TMEM71: variants seen among roughly 807,000 people sequenced by gnomAD.
TMEM71 encodes the protein transmembrane protein 71.
In TMEM71, 44 loss-of-function variants were observed where a neutral mutation model predicts 38.0. The ratio of observed to expected loss-of-function variants is 1.16; its 90% CI spans 0.91 to 1.49. The LOEUF is 1.49. Ranked by LOEUF, TMEM71 falls within the 40% of genes most tolerant of loss-of-function variation. TMEM71 has a pLI of 0.00. For synonymous variants in TMEM71, 133 were observed against 122.5 expected (o/e 1.09, Z -0.56); for missense variants, 367 against 348.6 (o/e 1.05, Z -0.42).
intron 7 of TMEM71, among the ~76,000 whole-genome samples, chr8:132,721,162 G>A (rs1826820509): frequency 6.6e-6 from 1 of 152,220 alleles, no homozygotes; most frequent in Admixed American, 6.5e-5. Flanking sequence ...AGAGTGAAAA[G>A]CAAGTGCAAA....
chr8:132,744,234 T>C (rs1380008269), intron 5 of TMEM71, among the ~76,000 whole-genome samples: 1 of 152,172 alleles, frequency 6.6e-6, no homozygotes, highest in Non-Finnish European at 1.5e-5. Context: ...TCCATTCTAG[T>C]AATAAAAATA....
At chr8:132,732,769 T>C (rs1379329978) in intron 5 of TMEM71, among the ~76,000 whole-genome samples, 2 of 152,110 alleles carry the variant, frequency 1.3e-5, no homozygotes, top group Non-Finnish European at 2.9e-5. Flanking sequence ...TGGTGCAATA[T>C]CTTGAGACAG....
chr8:132,719,527 A>C (rs961633254), intron 7 of TMEM71, among the ~76,000 whole-genome samples: 1 of 152,220 alleles, frequency 6.6e-6, no homozygotes, highest in African/African-American at 2.4e-5. Flanking sequence ...AAAAAGTCCA[A>C]AATCCAAAAT....
chr8:132,733,551 G>C (rs1827577825), intron 5 of TMEM71, among the ~76,000 whole-genome samples: 1 of 152,168 alleles, frequency 6.6e-6, no homozygotes, highest in African/African-American at 2.4e-5. Context: ...AACCCTGCAG[G>C]CTTCCTTGCA....
At chr8:132,736,656 C>A (rs531816205) in intron 5 of TMEM71, among the ~76,000 whole-genome samples, 1 of 151,806 alleles carries the variant, frequency 6.6e-6, no homozygotes, top group African/African-American at 2.4e-5. Context: ...ATGGTGAAAC[C>A]CCATCTCAAC....
intron 4 of TMEM71, among the ~76,000 whole-genome samples, chr8:132,747,607 C>G (rs751639329): frequency 6.6e-6 from 1 of 152,148 alleles, no homozygotes; most frequent in Non-Finnish European, 1.5e-5. Flanking sequence ...TGCTTTTGAT[C>G]GCTATGCTAT....
chr8:132,762,118 G>T (rs927617502), upstream of TMEM71, among the ~76,000 whole-genome samples: 2 of 152,228 alleles, frequency 1.3e-5, no homozygotes, highest in African/African-American at 4.8e-5. Context: ...ACACATAGCA[G>T]ATGCATAGTC....
At chr8:132,767,274 C>T in the TMEM71 span, among the ~76,000 whole-genome samples, 2 of 152,112 alleles carry the variant, frequency 1.3e-5, no homozygotes, top group Non-Finnish European at 2.9e-5. Flanking sequence ...TCTCAACTTA[C>T]TTTCTGCTTG....
the TMEM71 span, among the ~76,000 whole-genome samples, chr8:132,773,660 T>C: frequency 4.3e-4 from 66 of 152,158 alleles, no homozygotes; most frequent in African/African-American, 1.5e-3. Flanking sequence ...CTGCCACAGA[T>C]GTGGGAGAAA....
At chr8:132,754,785 C>A (rs928899138) in intron 3 of TMEM71, among the ~76,000 whole-genome samples, 2 of 152,160 alleles carry the variant, frequency 1.3e-5, no homozygotes, top group African/African-American at 4.8e-5. Flanking sequence ...TCCCTGGAAT[C>A]TCTATGTCCT....
chr8:132,728,494 C>T (rs1381053976), intron 5 of TMEM71, among the ~76,000 whole-genome samples: 1 of 152,188 alleles, frequency 6.6e-6, no homozygotes, highest in Non-Finnish European at 1.5e-5. Context: ...ATTGTGGGAG[C>T]TACAATTCAA....
At chr8:132,708,543 C>A (rs142183705), downstream of TMEM71, among the ~76,000 whole-genome samples, 1 of 152,188 alleles carries the variant, frequency 6.6e-6, no homozygotes, top group South Asian at 2.1e-4. Flanking sequence ...TAACTGCGTC[C>A]TCTGCAAGGT....
At chr8:132,749,511 G>A (rs1318321314) in intron 4 of TMEM71, among the ~76,000 whole-genome samples, 6 of 152,136 alleles carry the variant, frequency 3.9e-5, no homozygotes, top group African/African-American at 1.2e-4. Flanking sequence ...TACCATTTAC[G>A]GGCTGGGGAA....
chr8:132,714,266 C>T (rs772547905), intron 7 of TMEM71, 51 bp from the exon 8 acceptor site: 4 of 1,395,968 alleles, frequency 2.9e-6, no homozygotes, highest in Admixed American at 3.5e-5. Context: ...GCATTTCCAA[C>T]CTGTGTGATT....
rs751568146 is a variant in TMEM71 at position 132,727,809 on chromosome 8, G to A, written c.665C>T (p.Ser222Leu). ...TASERFQENS[S>L]DHSETRLLQE... ...ACACCTGAACTCACCTGAATGATCC[G>A]AACTATTCTCTTGGAAACGTTCAGA... Residue 222 changes from serine to leucine, a missense_variant, in exon 6 of 10, where the codon TCG becomes TTG. By Grantham distance (145) the Ser-to-Leu change is moderately radical. Coordinates refer to ENST00000677595, the MANE Select transcript of TMEM71 (RefSeq NM_001382403.1). The A allele has an allele frequency of 1.2e-5, 19 of 1,610,190 alleles. No individual in the cohort carries two copies. The highest frequency in any genetic ancestry group is 6.7e-5 in the African/African-American group (5 of 74,784).
chr8:132,747,262 A>T (rs978654753), intron 4 of TMEM71, 148 bp from the exon 5 acceptor site: 4 of 720,338 alleles, frequency 5.6e-6, no homozygotes, highest in Middle Eastern at 4.1e-4. Flanking sequence ...ACTGTGTGCC[A>T]GGTCCTTGGC....
At chr8:132,745,469 T>G (rs113382959) in intron 5 of TMEM71, among the ~76,000 whole-genome samples, 90 of 152,194 alleles carry the variant, frequency 5.9e-4, no homozygotes, top group African/African-American at 2.1e-3. Context: ...AAAAGCACAA[T>G]GAGACACTAT....
chr8:132,757,433 G>A, intron 2 of TMEM71, 139 bp from the exon 3 acceptor site: 1 of 595,860 alleles, frequency 1.7e-6, no homozygotes, highest in Middle Eastern at 3.4e-4. Context: ...TCCAGCTTCA[G>A]CAGGAAGACT....
At chr8:132,754,111 G>T (rs1311714103) in intron 3 of TMEM71, among the ~76,000 whole-genome samples, 1 of 151,976 alleles carries the variant, frequency 6.6e-6, no homozygotes, top group Non-Finnish European at 1.5e-5. Context: ...GCCAACCATA[G>T]AACCCAGCCC....
Sources: allele counts gnomAD v4.1 joint callset (sites outside exome capture counted in the v4.1 genomes callset), GRCh38; gene constraint gnomAD v4.1.1; transcripts MANE v1.5; gene names NCBI Gene and HGNC (gene_info 2026-07-23, HGNC 2026-07-21).